ANKRD45: variants seen among roughly 807,000 people sequenced by gnomAD.
ANKRD45 encodes ankyrin repeat domain 45, also known as ankyrin repeat domain-containing protein 45.
In ANKRD45, 21 loss-of-function variants were observed where a neutral mutation model predicts 28.1. The observed-to-expected ratio is 0.75, with a 90% CI of 0.53 to 1.08. The LOEUF is 1.08. Among genes scored for constraint, ANKRD45 ranks in the 50% least tolerant of loss-of-function variants. ANKRD45 has a pLI of 0.00. For synonymous variants in ANKRD45, 86 were observed against 103.9 expected (o/e 0.83, Z 1.05); for missense variants, 261 against 308.7 (o/e 0.85, Z 1.16).
intron 2 of ANKRD45, among the ~76,000 whole-genome samples, chr1:173,648,553 A>T (rs2102363798): frequency 6.6e-6 from 1 of 152,304 alleles, no homozygotes; most frequent in African/African-American, 2.4e-5. Flanking sequence ...GTATTTTCCT[A>T]TAAGCAGTGA....
the ANKRD45 span, among the ~76,000 whole-genome samples, chr1:173,707,056 A>G: frequency 6.6e-6 from 1 of 152,184 alleles, no homozygotes; most frequent in African/African-American, 2.4e-5. Context: ...TGATATATTC[A>G]TAATATATTT....
chr1:173,697,079 C>G, the ANKRD45 span, among the ~76,000 whole-genome samples: 26 of 152,046 alleles, frequency 1.7e-4, no homozygotes, highest in African/African-American at 5.5e-4. Flanking sequence ...AATTGAAGAT[C>G]AAATTAATGA....
the ANKRD45 span, among the ~76,000 whole-genome samples, chr1:173,683,939 C>T: frequency 6.6e-6 from 1 of 152,184 alleles, no homozygotes; most frequent in Non-Finnish European, 1.5e-5. Context: ...TTATCCCTGA[C>T]ACATGTGGCC....
At chr1:173,612,959 C>A (rs1172729620) in intron 5 of ANKRD45, among the ~76,000 whole-genome samples, 1 of 152,270 alleles carries the variant, frequency 6.6e-6, no homozygotes, top group Admixed American at 6.5e-5. Context: ...ACCTCCCAGC[C>A]GCCTGCCTTG....
At chr1:173,681,539 T>C in the ANKRD45 span, among the ~76,000 whole-genome samples, 1 of 152,186 alleles carries the variant, frequency 6.6e-6, no homozygotes, top group South Asian at 2.1e-4. Flanking sequence ...ATAGACGTAT[T>C]AGGCATGCCG....
At position 173,608,814 on chromosome 1, in the gene ANKRD45, G is replaced by C. The variant is rs1262772257; in HGVS notation, c.*1331C>G. Among the ~76,000 whole-genome samples, 1 of 134,750 alleles carries C rather than the reference G, an allele frequency of 7.4e-6. No homozygotes were observed. Among genetic ancestry groups the C allele is most frequent in the African/African-American group, 2.9e-5 (1 of 34,878 alleles). The allele number at this position is 134,750 out of a possible 152,430, so 88.4% of individuals were successfully genotyped here. ...AGAGGAAGAAGAAGGAGTTGGAGAG[G>C]GAAGAGGAGGAGGAGAGAGAAGAGG... is the stretch of plus-strand genomic sequence containing the variant. On this transcript the variant is annotated 3_prime_UTR_variant, in exon 6 of 6. Coordinates refer to ENST00000333279, the MANE Select transcript of ANKRD45 (RefSeq NM_198493.3).
intron 3 of ANKRD45, among the ~76,000 whole-genome samples, chr1:173,644,971 C>T (rs1009176204): frequency 2.9e-5 from 4 of 136,816 alleles, no homozygotes; most frequent in Admixed American, 2.3e-4. Flanking sequence ...CCAGCTGGGG[C>T]AACAAGAGCG....
intron 2 of ANKRD45, among the ~76,000 whole-genome samples, chr1:173,653,037 CA>C (rs199866030): frequency 6.6e-6 from 1 of 151,844 alleles, no homozygotes; most frequent in East Asian, 1.9e-4. Flanking sequence ...TGGATCTTTG[CA>C]AAAAAACAAG....
At chr1:173,637,762 C>A (rs1668517890) in intron 3 of ANKRD45, among the ~76,000 whole-genome samples, 1 of 152,184 alleles carries the variant, frequency 6.6e-6, no homozygotes, top group Non-Finnish European at 1.5e-5. Flanking sequence ...AGTAAACTAG[C>A]CTTGCTGAGA....
At chr1:173,683,675 A>G in the ANKRD45 span, among the ~76,000 whole-genome samples, 1 of 152,172 alleles carries the variant, frequency 6.6e-6, no homozygotes, top group African/African-American at 2.4e-5. Context: ...AAAATCTGAG[A>G]CAGGTCTCAG....
intron 3 of ANKRD45, among the ~76,000 whole-genome samples, chr1:173,639,470 G>C (rs1022713569): frequency 2.6e-5 from 4 of 152,116 alleles, no homozygotes; most frequent in African/African-American, 9.7e-5. Flanking sequence ...AAAAATAGAA[G>C]CTAAAGAGAA....
rs1011064134 is a variant in ANKRD45 at position 173,663,775 on chromosome 1, C to G, written c.-15-4342G>C. 3.9e-5 allele frequency among the ~76,000 whole-genome samples: 6 copies of G among 152,176 alleles called. No individual in the cohort carries two copies. In the South Asian group the frequency reaches 1.2e-3, roughly 32 times the overall value. ...CAAATACGTATATATTATTTTATAT[C>G]TTGTATAAATTATTTCTGTTATACG... On this transcript the variant is annotated intron_variant, in intron 1 of 5. Transcript: ENST00000333279.
At chr1:173,621,526 C>T (rs1667701869) in intron 5 of ANKRD45, among the ~76,000 whole-genome samples, 1 of 152,168 alleles carries the variant, frequency 6.6e-6, no homozygotes, top group African/African-American at 2.4e-5. Context: ...AAATGTAATT[C>T]ATCACATAAG....
chr1:173,689,997 T>G, the ANKRD45 span, among the ~76,000 whole-genome samples: 1 of 147,184 alleles, frequency 6.8e-6, no homozygotes, highest in African/African-American at 2.5e-5. Flanking sequence ...TCCATAAGGG[T>G]CATCTAGTGG....
the ANKRD45 span, among the ~76,000 whole-genome samples, chr1:173,680,495 C>T: frequency 6.6e-6 from 1 of 151,950 alleles, no homozygotes; most frequent in Admixed American, 6.6e-5. Context: ...ACAATGAGAA[C>T]ACATGGACAC....
intron 1 of ANKRD45, among the ~76,000 whole-genome samples, chr1:173,661,866 A>G (rs917826449): frequency 6.6e-6 from 1 of 152,212 alleles, no homozygotes; most frequent in Non-Finnish European, 1.5e-5. Context: ...GATTGTTATA[A>G]GTGTTTCCAA....
the ANKRD45 span, among the ~76,000 whole-genome samples, chr1:173,698,076 C>T: frequency 6.6e-6 from 1 of 151,932 alleles, no homozygotes; most frequent in African/African-American, 2.4e-5. Context: ...AAGGCCATTA[C>T]ATAATGGTAA....
chr1:173,691,768 CAG>C, the ANKRD45 span, among the ~76,000 whole-genome samples: 3 of 152,278 alleles, frequency 2.0e-5, 1 homozygote, highest in South Asian at 4.1e-4. Context: ...GCCTGGGCGA[CAG>C]AGAGAGACTC....
At chr1:173,712,927 G>T in the ANKRD45 span, among the ~76,000 whole-genome samples, 2 of 152,108 alleles carry the variant, frequency 1.3e-5, no homozygotes, top group African/African-American at 4.8e-5. Flanking sequence ...GGGGCTCAAG[G>T]GTTAGCATTT....
Sources: gnomAD v4.1 joint callset for allele counts (sites outside exome capture counted in the v4.1 genomes callset) on GRCh38, gnomAD v4.1.1 for gene constraint, MANE v1.5 for transcripts, NCBI Gene and HGNC (gene_info 2026-07-23, HGNC 2026-07-21) for gene names.